Variants in NDUFAF4 observed in about 807,000 individuals in gnomAD.
NDUFAF4 encodes the protein NADH:ubiquinone oxidoreductase complex assembly factor 4.
A neutral mutation model predicts 15.6 loss-of-function variants in NDUFAF4; 10 were observed. The observed-to-expected ratio is 0.64, with a 90% confidence interval of 0.40 to 1.09. NDUFAF4 has a LOEUF of 1.09. Ranked by LOEUF, NDUFAF4 falls within the 50% of genes least tolerant of loss-of-function variation. NDUFAF4 has a pLI of 0.01. For missense variants in NDUFAF4, 203 were observed against 207.3 expected, an observed-to-expected ratio of 0.98 and a Z score of 0.13; for synonymous variants, 77 against 73.3, an observed-to-expected ratio of 1.05 and a Z score of -0.26.
chr6:96,891,207 T>C lies in NDUFAF4; in HGVS notation c.425A>G (p.Tyr142Cys), dbSNP rs1171671539. ...ATTCACATCTTTCTGTTCTAACTGGTATTCCTGCATTATTTTCTCAGCAGT... is the reference window on the plus strand; with the variant it reads ...ATTCACATCTTTCTGTTCTAACTGGCATTCCTGCATTATTTTCTCAGCAGT... ...TWTAEKIMQE[Y>C]QLEQKDVNSL... Residue 142 changes from tyrosine (Y) to cysteine (C), a missense_variant, in exon 3 of 3, where the codon TAC (tyrosine) becomes TGC (cysteine). Tyr to Cys is a radical substitution (Grantham distance 194). Coordinates refer to ENST00000316149, the MANE Select transcript of NDUFAF4 (RefSeq NM_014165.4). 6.2e-7 allele frequency: 1 copy of C among 1,613,202 alleles called. No homozygotes were observed. The highest frequency in any genetic ancestry group is 8.5e-7 in the Non-Finnish European group (1 of 1,179,464).
chr6:96,894,481 C>G lies in NDUFAF4; in HGVS notation c.240+2263G>C, dbSNP rs140711735. Among the ~76,000 whole-genome samples the G allele has an allele frequency of 3.0e-3, 456 of 152,182 alleles. 2 individuals are homozygous for G. The highest frequency in any genetic ancestry group is 0.02 in the Middle Eastern group (6 of 294). On this transcript the variant is annotated intron_variant, in intron 2 of 2. Coordinates refer to ENST00000316149, the MANE Select transcript of NDUFAF4 (RefSeq NM_014165.4). ...TTAATGAGGAAAAAAAATCATATGGCGAGAGTGCTAACATGGATAATAAGA... is the reference window on the plus strand; with the variant it reads ...TTAATGAGGAAAAAAAATCATATGGGGAGAGTGCTAACATGGATAATAAGA...
rs1775402578 is a variant in NDUFAF4 at position 96,897,585 on chromosome 6, C to T, written c.136+81G>A. 10 of 1,589,420 alleles carry T rather than the reference C, an allele frequency of 6.3e-6. No homozygotes were observed. The Middle Eastern group carries it at 6.8e-4, about 108-fold the overall frequency. On this transcript the variant is annotated intron_variant, in intron 1 of 2. Coordinates refer to ENST00000316149, the MANE Select transcript of NDUFAF4 (RefSeq NM_014165.4). ...GAGCAGGCTGACGCCGATCCCTCGG[C>T]CTCCGGACCCACGCTAGGGACAGCC...
rs779783137 is a variant in NDUFAF4, at chr6:96,889,631, G to A, written c.*1473C>T. 6.6e-6 allele frequency: 1 copy of A among 152,440 alleles called. No homozygotes were observed. Among genetic ancestry groups the A allele is most frequent in the Non-Finnish European group, 1.5e-5 (1 of 68,002 alleles). 9.4% of individuals were successfully genotyped at this position (152,440 alleles called of 1,614,324 possible). Reference sequence around the variant, plus strand: ...AATTTTCCACTTAGTCCATTTTTCTGTTCTCAGCATTACTACAAATGCCTC... The same window carrying A: ...AATTTTCCACTTAGTCCATTTTTCTATTCTCAGCATTACTACAAATGCCTC... On this transcript the variant is annotated 3_prime_UTR_variant, in exon 3 of 3. Coordinates refer to ENST00000316149, the MANE Select transcript of NDUFAF4 (RefSeq NM_014165.4).
At chr6:96,896,911 C>A in intron 1 of NDUFAF4, 64 bp from the exon 2 acceptor site, 1 of 1,136,800 alleles carries the variant, frequency 8.8e-7, no homozygotes, top group Non-Finnish European at 1.3e-6. Flanking sequence ...ATCCTAAACG[C>A]TTAACACAAA....
At chr6:96,893,720 C>G (rs1379975294) in intron 2 of NDUFAF4, among the ~76,000 whole-genome samples, 1 of 150,560 alleles carries the variant, frequency 6.6e-6, no homozygotes, top group East Asian at 1.9e-4. Flanking sequence ...TCAAAATCCT[C>G]TCGACTGAAA....
In NDUFAF4 at chr6:96,891,302, G is replaced by A; in HGVS notation, c.330C>T (p.Pro110=). 4 of 1,613,654 alleles carry A rather than the reference G, an allele frequency of 2.5e-6. No individual in the cohort carries two copies. In the South Asian group the frequency reaches 4.4e-5, roughly 18 times the overall value. The change falls in exon 3 of 3, where the codon CCC becomes CCT. Residue 110 remains proline, a synonymous_variant. Transcript: ENST00000316149. ...HFDMINIKSI[P]KGKISIVEAL... ...CTTCTACAATGGAAATTTTGCCTTT[G>A]GGAATGCTCTTAATATTTATCATAT...
In NDUFAF4 at chr6:96,890,484, A is replaced by G. The variant is rs1239936596; in HGVS notation, c.*620T>C. ...CAACATTTTGTAAACACCACTAATT[A>G]CTTTTTATAACTGTAAAGACAATTA... is the stretch of plus-strand genomic sequence containing the variant. On this transcript the variant is annotated 3_prime_UTR_variant, in exon 3 of 3. Transcript: ENST00000316149. The G allele has an allele frequency of 6.6e-6, 1 of 152,166 alleles. No individual in the cohort carries two copies. Among genetic ancestry groups the G allele is most frequent in the Non-Finnish European group, 1.5e-5 (1 of 68,034 alleles). 9.4% of individuals were successfully genotyped at this position (152,166 alleles called of 1,614,324 possible).
rs747262076 is a variant in NDUFAF4, at chr6:96,897,626, T to A, written c.136+40A>T. The A allele has an allele frequency of 6.2e-6, 10 of 1,611,564 alleles. No homozygotes were observed. In the South Asian group the frequency reaches 1.1e-4, roughly 18 times the overall value. On this transcript the variant is annotated intron_variant, in intron 1 of 2. Coordinates refer to ENST00000316149, the MANE Select transcript of NDUFAF4 (RefSeq NM_014165.4). The stretch of plus-strand genomic sequence containing the variant: ...AGGGACAGCCGGGCAGCACAGGGAC[T>A]CCGCGCCCCCGGGCCCCGAAACGCC...
Position 96,891,399 on chromosome 6 carries a change from C to CAAAA in NDUFAF4, c.241-12_241-9dup. On this transcript the variant is annotated splice_polypyrimidine_tract_variant and intron_variant, in intron 2 of 2. Coordinates refer to ENST00000316149, the MANE Select transcript of NDUFAF4 (RefSeq NM_014165.4). ...TGTTTCAGCAGCTTTTACCTAGTAT[C>CAAAA]AAAAAAAAAAGGTTTTAGGATGAGA... 2 of 1,301,552 alleles carry CAAAA rather than the reference C, an allele frequency of 1.5e-6. No homozygotes were observed. The highest frequency in any genetic ancestry group is 2.1e-6 in the Non-Finnish European group (2 of 941,152). 80.6% of individuals were successfully genotyped at this position (1,301,552 alleles called of 1,614,324 possible).
intron 2 of NDUFAF4, among the ~76,000 whole-genome samples, chr6:96,893,698 A>C (rs904510232): frequency 2.6e-5 from 4 of 151,988 alleles, no homozygotes; most frequent in African/African-American, 9.7e-5. Context: ...ACACAAAAAA[A>C]TCTAAGAAGA....
At chr6:96,891,412 T>C (rs1192416974) in intron 2 of NDUFAF4, 21 bp from the exon 3 acceptor site, 1 of 1,507,610 alleles carries the variant, frequency 6.6e-7, no homozygotes, top group Non-Finnish European at 9.1e-7. Flanking sequence ...AAAAAAAAGG[T>C]TTTAGGATGA....
At chr6:96,892,998 C>T (rs929659000) in intron 2 of NDUFAF4, among the ~76,000 whole-genome samples, 3 of 152,116 alleles carry the variant, frequency 2.0e-5, no homozygotes, top group African/African-American at 7.2e-5. Context: ...TCAATATTAT[C>T]TGAAACTAAA....
chr6:96,891,226 C>G lies in NDUFAF4; in HGVS notation c.406G>C (p.Glu136Gln). The G allele has an allele frequency of 6.2e-7, 1 of 1,613,598 alleles. No homozygotes were observed. The highest frequency in any genetic ancestry group is 1.1e-5 in the South Asian group (1 of 91,050). The part of the protein sequence containing the change: ...HKLFPETWTA[E>Q]KIMQEYQLEQ... Reference sequence around the variant, plus strand: ...AACTGGTATTCCTGCATTATTTTCTCAGCAGTCCAGGTTTCTGGGAAAAGC... The same window carrying G: ...AACTGGTATTCCTGCATTATTTTCTGAGCAGTCCAGGTTTCTGGGAAAAGC... The change falls in exon 3 of 3, where the codon GAG becomes CAG. Residue 136 changes from glutamate to glutamine, a missense_variant. By Grantham distance (29) the Glu-to-Gln change is conservative. Coordinates refer to ENST00000316149, the MANE Select transcript of NDUFAF4 (RefSeq NM_014165.4).
rs554143999 is a variant in NDUFAF4 at position 96,897,065 on chromosome 6, T to A, written c.137-218A>T. ...CCTCAGCCTCCCGACAAGCTGAGGC[T>A]ACAGGCGCGCCACCACGCCCGGCTA... On this transcript the variant is annotated intron_variant, in intron 1 of 2. Coordinates refer to ENST00000316149, the MANE Select transcript of NDUFAF4 (RefSeq NM_014165.4). 84 of 504,850 alleles carry A rather than the reference T, an allele frequency of 1.7e-4. 1 individual carries two copies. The South Asian group carries it at 1.7e-3, about 10-fold the overall frequency. 31.3% of individuals were successfully genotyped at this position (504,850 alleles called of 1,614,324 possible).
chr6:96,893,062 C>T (rs183195261), intron 2 of NDUFAF4, among the ~76,000 whole-genome samples: 1 of 152,250 alleles, frequency 6.6e-6, no homozygotes, highest in Admixed American at 6.5e-5. Context: ...ACACTACCTA[C>T]CTCTCATGCC....
chr6:96,897,740 T>A lies in NDUFAF4; in HGVS notation c.62A>T (p.Glu21Val), dbSNP rs1270670924. The A allele has an allele frequency of 1.2e-6, 2 of 1,614,182 alleles. No homozygotes were observed. The highest frequency in any genetic ancestry group is 3.3e-5 in the Admixed American group (2 of 60,032). The change falls in exon 1 of 3, where the codon GAA (glutamate) becomes GTA (valine). Residue 21 changes from glutamate to valine, a missense_variant. Transcript: ENST00000316149. ...GACAGAGGGCTTCATCTTGCTGATTTCCCGTTCCGCTCGGTTCTCTAGGTT... is the reference window on the plus strand; with the variant it reads ...GACAGAGGGCTTCATCTTGCTGATTACCCGTTCCGCTCGGTTCTCTAGGTT... Reference protein sequence around the residue: ...NFNLENRAEREISKMKPSVAP... With the variant: ...NFNLENRAERVISKMKPSVAP...
rs1346697350 is a variant in NDUFAF4, at chr6:96,896,911, C to T, written c.137-64G>A. 4 of 1,136,682 alleles carry T rather than the reference C, an allele frequency of 3.5e-6. No homozygotes were observed. In the East Asian group the frequency reaches 7.0e-5, roughly 20 times the overall value. 70.4% of individuals were successfully genotyped at this position (1,136,682 alleles called of 1,614,324 possible). A position where few individuals can be genotyped will look rare whatever the true frequency, so the allele number is the denominator to read the frequency against. On this transcript the variant is annotated intron_variant, in intron 1 of 2. Coordinates refer to ENST00000316149, the MANE Select transcript of NDUFAF4 (RefSeq NM_014165.4). ...AAAATTTCCTGTAATATCCTAAACG[C>T]TTAACACAAACGCTTTCTTTTATTT...
chr6:96,897,543 C>T (rs1775401410), intron 1 of NDUFAF4, 123 bp downstream of exon 1: 1 of 1,432,232 alleles, frequency 7.0e-7, no homozygotes, highest in Non-Finnish European at 9.6e-7. Context: ...GCTCCGCCAA[C>T]CCGAGCGGCT....
At chr6:96,891,797 G>A (rs747951091) in intron 2 of NDUFAF4, among the ~76,000 whole-genome samples, 5 of 151,934 alleles carry the variant, frequency 3.3e-5, no homozygotes, top group South Asian at 2.1e-4. Context: ...CTGCAGAATC[G>A]TGAGCCAATT....
Sources: gnomAD v4.1 joint callset for allele counts (sites outside exome capture counted in the v4.1 genomes callset) on GRCh38, gnomAD v4.1.1 for gene constraint, MANE v1.5 for transcripts, NCBI Gene and HGNC (gene_info 2026-07-23, HGNC 2026-07-21) for gene names.